The following GANC variants were observed in gnomAD, a reference collection of about 807,000 sequenced individuals.
GANC encodes neutral alpha-glucosidase C.
GANC carries 117 observed loss-of-function variants against 124.2 expected under a neutral mutation model. That is an observed-to-expected ratio of 0.94 (90% CI 0.81 to 1.10). The LOEUF is 1.10. Ranked by LOEUF, GANC falls within the 50% of genes least tolerant of loss-of-function variation. The pLI, the probability that GANC is intolerant of heterozygous loss-of-function variation, is 0.00. For missense variants in GANC, 1,140 were observed against 1,095.0 expected (o/e 1.04, Z -0.58); for synonymous variants, 377 against 376.8 (o/e 1.00, Z -0.01).
chr15:42,296,975 G>C (rs1313134633), intron 5 of GANC, among the ~76,000 whole-genome samples: 1 of 150,026 alleles, frequency 6.7e-6, no homozygotes, highest in East Asian at 2.0e-4. Flanking sequence ...TACAATTTTA[G>C]ATTGGCAAAA....
intron 15 of GANC, among the ~76,000 whole-genome samples, chr15:42,336,528 AC>A (rs1481176318): frequency 1.2e-4 from 19 of 152,152 alleles, no homozygotes; most frequent in Admixed American, 1.2e-3. Context: ...CTATATAAAA[AC>A]CCTGGAAGAC....
chr15:42,293,498 A>C (rs2051862872), intron 5 of GANC, among the ~76,000 whole-genome samples: 1 of 152,168 alleles, frequency 6.6e-6, no homozygotes, highest in Non-Finnish European at 1.5e-5. Context: ...TTATTCCAAC[A>C]TAGTCATTTT....
chr15:42,336,020 A>G (rs2052280260), intron 15 of GANC, among the ~76,000 whole-genome samples: 1 of 152,080 alleles, frequency 6.6e-6, no homozygotes. Flanking sequence ...AAAAATCAAT[A>G]TTGTTGAAAT....
At chr15:42,287,280 T>A (rs2051798728) in intron 3 of GANC, among the ~76,000 whole-genome samples, 1 of 152,244 alleles carries the variant, frequency 6.6e-6, no homozygotes, top group South Asian at 2.1e-4. Context: ...TTCATCCAGC[T>A]GGAATCTAGT....
intron 10 of GANC, among the ~76,000 whole-genome samples, chr15:42,320,088 G>A (rs2052143638): frequency 6.6e-6 from 1 of 152,148 alleles, no homozygotes; most frequent in African/African-American, 2.4e-5. Flanking sequence ...GGAGGCTGAG[G>A]CAGGAAAATC....
intron 3 of GANC, among the ~76,000 whole-genome samples, chr15:42,283,319 C>A (rs1343568192): frequency 6.6e-6 from 1 of 152,168 alleles, no homozygotes; most frequent in East Asian, 1.9e-4. Flanking sequence ...AAGAAGTTTC[C>A]AGAAAATAGA....
intron 20 of GANC, among the ~76,000 whole-genome samples, chr15:42,346,511 A>G (rs949595553): frequency 7.9e-5 from 12 of 152,224 alleles, no homozygotes; most frequent in East Asian, 1.9e-4. Flanking sequence ...GTTGTATGGT[A>G]TATGAATTCT....
Position 42,352,859 on chromosome 15 carries a change from A to G in GANC, c.*720A>G, listed in dbSNP as rs2052466859. The G allele has an allele frequency of 3.9e-6, 2 of 518,382 alleles. No homozygotes were observed. Among genetic ancestry groups the G allele is most frequent in the Non-Finnish European group, 5.0e-6 (2 of 403,382 alleles). 32.1% of individuals were successfully genotyped at this position (518,382 alleles called of 1,614,324 possible). ...ATTAATAACAATGAAATAAATACCCATGTACCCACCACTGGACTTCAGAAG... is the reference window on the plus strand; with the variant it reads ...ATTAATAACAATGAAATAAATACCCGTGTACCCACCACTGGACTTCAGAAG... On this transcript the variant is annotated 3_prime_UTR_variant, in exon 24 of 24. Coordinates refer to ENST00000318010, the MANE Select transcript of GANC (RefSeq NM_198141.3).
At position 42,340,757 on chromosome 15, in the gene GANC, G is replaced by T; in HGVS notation, c.2152+3G>T. 6.3e-7 allele frequency: 1 copy of T among 1,577,340 alleles called. No individual in the cohort carries two copies. On this transcript the variant is annotated splice_donor_region_variant and intron_variant, in intron 18 of 23. Coordinates refer to ENST00000318010, the MANE Select transcript of GANC (RefSeq NM_198141.3). The stretch of plus-strand genomic sequence containing the variant: ...TATGGAAGATGAATACATGCTGGGT[G>T]AGCATTTCTGTTTTTTTTTTTTTTT...
intron 15 of GANC, among the ~76,000 whole-genome samples, chr15:42,333,774 T>A (rs1482769390): frequency 6.6e-6 from 1 of 152,210 alleles, no homozygotes; most frequent in East Asian, 1.9e-4. Context: ...ATGGGTTAAA[T>A]AAATGTTAAT....
At chr15:42,350,929 T>G (rs1056773207) in intron 22 of GANC, among the ~76,000 whole-genome samples, 3 of 151,508 alleles carry the variant, frequency 2.0e-5, no homozygotes, top group African/African-American at 7.3e-5. Flanking sequence ...TGGAGTACAG[T>G]GGTGCGATCT....
chr15:42,308,008 A>G (rs1303555049), intron 7 of GANC, among the ~76,000 whole-genome samples: 3 of 152,246 alleles, frequency 2.0e-5, no homozygotes, highest in Non-Finnish European at 4.4e-5. Flanking sequence ...GAACTAATAC[A>G]TGACCAGAAC....
At chr15:42,280,489 T>A (rs1447701790) in intron 3 of GANC, among the ~76,000 whole-genome samples, 1 of 152,196 alleles carries the variant, frequency 6.6e-6, no homozygotes, top group Non-Finnish European at 1.5e-5. Flanking sequence ...GGCCAGACCC[T>A]TCTATTCAGG....
rs2052235541 is a variant in GANC at position 42,330,627 on chromosome 15, C to G, written c.1696C>G (p.Pro566Ala). ...LIKRSKGKERPFVLTRSFFAG... is the reference protein window; with the variant it reads ...LIKRSKGKERAFVLTRSFFAG... ...AAAACGATCTAAAGGGAAGGAGAGA[C>G]CCTTTGTTCTTACACGTTCTTTCTT... Residue 566 changes from proline to alanine, a missense_variant, in exon 15 of 24, where the codon CCC becomes GCC. Pro to Ala is a conservative substitution (Grantham distance 27, BLOSUM62 -1). Coordinates refer to ENST00000318010, the MANE Select transcript of GANC (RefSeq NM_198141.3). The G allele has an allele frequency of 1.2e-6, 2 of 1,611,226 alleles. 1 individual carries two copies. Among genetic ancestry groups the G allele is most frequent in the South Asian group, 2.2e-5 (2 of 90,214 alleles).
At chr15:42,321,734 A>G in intron 10 of GANC, 51 bp from the exon 11 acceptor site, 1 of 1,447,808 alleles carries the variant, frequency 6.9e-7, no homozygotes, top group South Asian at 1.1e-5. Context: ...TATCAAATGA[A>G]TAATGGTCAT....
chr15:42,319,036 C>T (rs770638291), intron 10 of GANC, among the ~76,000 whole-genome samples: 9 of 152,020 alleles, frequency 5.9e-5, no homozygotes, highest in East Asian at 1.9e-4. Context: ...TTCTACTCTA[C>T]GGATTTTATA....
intron 10 of GANC, among the ~76,000 whole-genome samples, chr15:42,318,090 C>T (rs4924670): frequency 0.96 from 146,579 of 152,352 alleles, 70,712 homozygotes; most frequent in Non-Finnish European, 1. Context: ...CTGGAGACTT[C>T]CTTCCCTACC....
chr15:42,305,789 T>G (rs894086692), intron 6 of GANC, among the ~76,000 whole-genome samples: 2 of 152,174 alleles, frequency 1.3e-5, no homozygotes, highest in African/African-American at 4.8e-5. Context: ...TCATGTCCTT[T>G]GCAGAGACAT....
intron 8 of GANC, among the ~76,000 whole-genome samples, chr15:42,308,919 C>T (rs1026320204): frequency 9.2e-5 from 14 of 152,132 alleles, no homozygotes; most frequent in South Asian, 4.1e-4. Flanking sequence ...TCTTTATCCT[C>T]GGGTTTCACT....
Sources: allele counts gnomAD v4.1 joint callset (sites outside exome capture counted in the v4.1 genomes callset), GRCh38; gene constraint gnomAD v4.1.1; transcripts MANE v1.5; gene names NCBI Gene and HGNC (gene_info 2026-07-23, HGNC 2026-07-21).